The following SREK1IP1 variants were observed in gnomAD, a reference collection of about 807,000 sequenced individuals.
The protein encoded by SREK1IP1 is SREK1 interacting protein 1.
A neutral mutation model predicts 22.8 loss-of-function variants in SREK1IP1; 12 were observed. The observed-to-expected ratio is 0.53, with a 90% CI of 0.34 to 0.85. The LOEUF (loss-of-function observed/expected upper bound fraction) is 0.85. SREK1IP1 is among the 40% of genes least tolerant of loss of function. The pLI is 0.02. For synonymous variants in SREK1IP1, 53 were observed against 52.7 expected, an observed-to-expected ratio of 1.01 and a Z score of -0.02; for missense variants, 147 against 171.8, an observed-to-expected ratio of 0.86 and a Z score of 0.81.
chr5:64,754,935 C>T (rs1186096297), intron 1 of SREK1IP1, among the ~76,000 whole-genome samples: 2 of 151,952 alleles, frequency 1.3e-5, no homozygotes, highest in African/African-American at 2.4e-5. Context: ...AAGACAAACA[C>T]ATATGGCTAA....
intron 1 of SREK1IP1, among the ~76,000 whole-genome samples, chr5:64,767,304 T>C (rs930794527): frequency 6.6e-6 from 1 of 152,346 alleles, no homozygotes; most frequent in South Asian, 2.1e-4. Context: ...TGTATTTTCC[T>C]TGCCATGGCA....
At chr5:64,750,267 C>T (rs1398768357) in intron 2 of SREK1IP1, among the ~76,000 whole-genome samples, 3 of 152,142 alleles carry the variant, frequency 2.0e-5, no homozygotes, top group East Asian at 1.9e-4. Flanking sequence ...CTTTTTCATT[C>T]ATTTACACTC....
At chr5:64,748,350 T>C (rs1207397484) in intron 2 of SREK1IP1, among the ~76,000 whole-genome samples, 1 of 151,876 alleles carries the variant, frequency 6.6e-6, no homozygotes, top group East Asian at 1.9e-4. Context: ...GGAGAGTTAC[T>C]GGTTAATGGT....
At chr5:64,736,464 ATT>A in intron 3 of SREK1IP1, among the ~76,000 whole-genome samples, 1 of 144,618 alleles carries the variant, frequency 6.9e-6, no homozygotes. Context: ...AACACTTAGA[ATT>A]TTTTTTTTTT....
chr5:64,742,548 T>C (rs1304100853), intron 2 of SREK1IP1, among the ~76,000 whole-genome samples: 1 of 152,222 alleles, frequency 6.6e-6, no homozygotes, highest in Non-Finnish European at 1.5e-5. Context: ...AAATCTATGC[T>C]AGGGGTTGTT....
rs1209595889 is a variant in SREK1IP1 at position 64,722,856 on chromosome 5, C to T, written c.*1528G>A. Reference sequence around the variant, plus strand: ...TATGTTAAGAGGAGTTATAAGGCTCCCTGAGTCTTACTGAGGGTATCCACA... The same window carrying T: ...TATGTTAAGAGGAGTTATAAGGCTCTCTGAGTCTTACTGAGGGTATCCACA... On this transcript the variant is annotated 3_prime_UTR_variant, in exon 5 of 5. Transcript: ENST00000513458. The T allele has an allele frequency of 6.6e-6, 1 of 152,156 alleles. No individual in the cohort carries two copies. The highest frequency in any genetic ancestry group is 2.4e-5 in the African/African-American group (1 of 41,434). 9.4% of individuals were successfully genotyped at this position (152,156 alleles called of 1,614,324 possible).
chr5:64,768,413 T>C (rs2112125502), intron 1 of SREK1IP1, 92 bp downstream of exon 1: 7 of 1,546,222 alleles, frequency 4.5e-6, no homozygotes, highest in Non-Finnish European at 5.3e-6. Flanking sequence ...TAAATCCCCA[T>C]GGGCGCTGCT....
intron 4 of SREK1IP1, among the ~76,000 whole-genome samples, chr5:64,726,148 G>A (rs903095783): frequency 6.6e-6 from 1 of 151,922 alleles, no homozygotes; most frequent in Non-Finnish European, 1.5e-5. Context: ...TGGGATTATA[G>A]GAGTGAGCCA....
chr5:64,762,429 A>G (rs112033424), intron 1 of SREK1IP1, among the ~76,000 whole-genome samples: 1,807 of 152,276 alleles, frequency 0.012, 34 homozygotes, highest in African/African-American at 0.041. Flanking sequence ...AATTTCAATT[A>G]CTTCTGCTTT....
intron 3 of SREK1IP1, among the ~76,000 whole-genome samples, chr5:64,731,521 C>CAAAAAAAAAAAAAAA (rs10599290): frequency 4.0e-5 from 3 of 74,682 alleles, no homozygotes; most frequent in African/African-American, 1.2e-4. Context: ...GCCCTTGTCT[C>CAAAAAAAAAAAAAAA]AAAAAAAAAA....
intron 4 of SREK1IP1, among the ~76,000 whole-genome samples, chr5:64,726,648 C>T (rs1221027815): frequency 6.6e-6 from 1 of 151,648 alleles, no homozygotes; most frequent in African/African-American, 2.4e-5. Context: ...ATAAATCTAT[C>T]TGAAGCTGAA....
chr5:64,746,286 G>A (rs973109082), intron 2 of SREK1IP1, among the ~76,000 whole-genome samples: 1 of 152,142 alleles, frequency 6.6e-6, no homozygotes, highest in Non-Finnish European at 1.5e-5. Context: ...AGGAGTAAAT[G>A]TTCATTACCT....
rs1170021475 is a variant in SREK1IP1 at position 64,720,426 on chromosome 5, T to C, written c.*3958A>G. ...TTATGTAGCCTTCTAATGAAAGCAA[T>C]TTCATCTTTTAAAAATGGTGGGATT... On this transcript the variant is annotated 3_prime_UTR_variant, in exon 5 of 5. Coordinates refer to ENST00000513458, the MANE Select transcript of SREK1IP1 (RefSeq NM_173829.4). 6.6e-6 allele frequency: 1 copy of C among 152,160 alleles called. No homozygotes were observed. The highest frequency in any genetic ancestry group is 2.4e-5 in the African/African-American group (1 of 41,426). 9.4% of individuals were successfully genotyped at this position (152,160 alleles called of 1,614,324 possible).
chr5:64,741,088 T>G lies in SREK1IP1; in HGVS notation c.174A>C (p.Glu58Asp). ...CCTGTAATGCCTGCAATTTATTCAG[T>G]TCTTCATTCTCTTCATCGCTATCTT... ...SSEDSDEENE[E>D]LNKLQALQEK... Residue 58 changes from glutamate (E) to aspartate (D), a missense_variant, in exon 3 of 5, where the codon GAA becomes GAC. By Grantham distance (45) the Glu-to-Asp change is conservative (BLOSUM62 2). Coordinates refer to ENST00000513458, the MANE Select transcript of SREK1IP1 (RefSeq NM_173829.4). The G allele has an allele frequency of 1.9e-6, 3 of 1,612,518 alleles. No homozygotes were observed. Among genetic ancestry groups the G allele is most frequent in the Non-Finnish European group, 2.5e-6 (3 of 1,179,302 alleles).
chr5:64,750,954 TA>T (rs1742729638), intron 2 of SREK1IP1, among the ~76,000 whole-genome samples: 1 of 152,186 alleles, frequency 6.6e-6, no homozygotes. Context: ...TTCCAGAAAT[TA>T]CTCAATGTTT....
chr5:64,741,582 C>T (rs950213943), intron 2 of SREK1IP1, among the ~76,000 whole-genome samples: 1 of 151,958 alleles, frequency 6.6e-6, no homozygotes, highest in Non-Finnish European at 1.5e-5. Flanking sequence ...TTTCCCATAC[C>T]TTTTCTTTCC....
chr5:64,754,777 G>A (rs1307014226), intron 1 of SREK1IP1: 1 of 154,740 alleles, frequency 6.5e-6, no homozygotes, highest in Non-Finnish European at 1.4e-5. Flanking sequence ...ATTTCTTTAA[G>A]AAACAGCAAC....
At chr5:64,740,963 TA>T in intron 3 of SREK1IP1, 93 bp downstream of exon 3, 1 of 1,183,546 alleles carries the variant, frequency 8.4e-7, no homozygotes, top group Non-Finnish European at 1.2e-6. Context: ...ACATAAACTA[TA>T]AAAGAGATCT....
intron 1 of SREK1IP1, among the ~76,000 whole-genome samples, chr5:64,758,329 C>T (rs1580557866): frequency 2.0e-5 from 3 of 152,028 alleles, no homozygotes; most frequent in Non-Finnish European, 4.4e-5. Context: ...CCACCACACC[C>T]GGCTAATTTT....
Sources: allele counts gnomAD v4.1 joint callset (sites outside exome capture counted in the v4.1 genomes callset), GRCh38; gene constraint gnomAD v4.1.1; transcripts MANE v1.5; gene names NCBI Gene and HGNC (gene_info 2026-07-23, HGNC 2026-07-21).